Variants in NPSR1 observed in about 807,000 individuals in gnomAD.
The protein encoded by NPSR1 is neuropeptide S receptor.
Under a neutral mutation model 46.9 loss-of-function variants are expected in NPSR1, and 48 were observed. The ratio of observed to expected loss-of-function variants is 1.02; its 90% CI spans 0.81 to 1.30. The LOEUF is 1.30. NPSR1 is among the 50% of genes most tolerant of loss of function. The pLI, the probability that NPSR1 is intolerant of heterozygous loss-of-function variation, is 0.00. For synonymous variants in NPSR1, 176 were observed against 168.1 expected (o/e 1.05, Z -0.36); for missense variants, 450 against 449.5 (o/e 1.00, Z -0.01).
At chr7:34,710,747 G>A in intron 2 of NPSR1, 4 of 404,310 alleles carry the variant, frequency 9.9e-6, no homozygotes, top group Non-Finnish European at 1.9e-5. Flanking sequence ...AGCATCAACT[G>A]CAAGAATAGT....
chr7:34,798,338 C>G (rs1192587996), intron 3 of NPSR1, among the ~76,000 whole-genome samples: 3 of 152,104 alleles, frequency 2.0e-5, no homozygotes, highest in African/African-American at 7.2e-5. Context: ...AGCTTGTGGC[C>G]AGCCTGACCA....
intron 3 of NPSR1, among the ~76,000 whole-genome samples, chr7:34,806,915 A>C (rs1215373106): frequency 6.6e-6 from 1 of 152,024 alleles, no homozygotes; most frequent in Non-Finnish European, 1.5e-5. Flanking sequence ...TTTAAGTCTC[A>C]CTTCTCTGTG....
chr7:34,877,066 G>A (rs542571078), intron 8 of NPSR1, among the ~76,000 whole-genome samples: 1 of 152,292 alleles, frequency 6.6e-6, no homozygotes, highest in African/African-American at 2.4e-5. Flanking sequence ...ATAGGAGTTG[G>A]GAAGTTAGAA....
At chr7:34,765,394 T>C (rs971877797) in intron 2 of NPSR1, among the ~76,000 whole-genome samples, 1 of 152,114 alleles carries the variant, frequency 6.6e-6, no homozygotes, top group African/African-American at 2.4e-5. Context: ...GAAAAATACA[T>C]TAAAAATACT....
intron 2 of NPSR1, among the ~76,000 whole-genome samples, chr7:34,777,209 C>T (rs1302731320): frequency 2.0e-5 from 3 of 152,120 alleles, no homozygotes; most frequent in Non-Finnish European, 4.4e-5. Flanking sequence ...AGCCCTAGAG[C>T]ACTTTAGCTT....
At chr7:34,769,310 C>A (rs759695144) in intron 2 of NPSR1, among the ~76,000 whole-genome samples, 1 of 152,158 alleles carries the variant, frequency 6.6e-6, no homozygotes, top group Non-Finnish European at 1.5e-5. Flanking sequence ...CCTTGAACTT[C>A]TGCATAGTTT....
At chr7:34,807,747 G>A (rs1788773878) in intron 3 of NPSR1, among the ~76,000 whole-genome samples, 1 of 152,114 alleles carries the variant, frequency 6.6e-6, no homozygotes, top group Non-Finnish European at 1.5e-5. Context: ...GCGACAAATA[G>A]TGTTTTGGTT....
intron 5 of NPSR1, among the ~76,000 whole-genome samples, chr7:34,832,378 CA>C (rs1288643225): frequency 6.6e-6 from 1 of 152,040 alleles, no homozygotes; most frequent in African/African-American, 2.4e-5. Context: ...ATAAAATATA[CA>C]AAAATTAGCC....
chr7:34,757,770 T>C (rs1332200041), intron 2 of NPSR1, among the ~76,000 whole-genome samples: 1 of 152,206 alleles, frequency 6.6e-6, no homozygotes, highest in Non-Finnish European at 1.5e-5. Flanking sequence ...TCTGCTAGTC[T>C]GCTCCGCATA....
chr7:34,661,624 C>A (rs895487013), intron 1 of NPSR1, among the ~76,000 whole-genome samples: 4 of 152,192 alleles, frequency 2.6e-5, no homozygotes, highest in African/African-American at 9.7e-5. Context: ...ACCCCTCTAA[C>A]CTACTCTACC....
Position 34,834,555 on chromosome 7 carries a change from A to G in NPSR1, c.757+95A>G, listed in dbSNP as rs1471602535. 13 of 875,456 alleles carry G rather than the reference A, an allele frequency of 1.5e-5. No individual in the cohort carries two copies. The East Asian group carries it at 3.2e-4, about 21-fold the overall frequency. 54.2% of individuals were successfully genotyped at this position (875,456 alleles called of 1,614,324 possible). A position where few individuals can be genotyped will look rare whatever the true frequency, so the allele number is the denominator to read the frequency against. On this transcript the variant is annotated intron_variant, in intron 6 of 8. Transcript: ENST00000360581. ...GTGAGCTAGGGACTCCTTGATACAC[A>G]AGCATACAGGATCATATCAGGACCC...
intron 2 of NPSR1, among the ~76,000 whole-genome samples, chr7:34,705,593 A>T (rs1012686438): frequency 7.1e-6 from 1 of 140,548 alleles, no homozygotes; most frequent in African/African-American, 2.8e-5. Context: ...TTGTGTATGT[A>T]TGTTGATCTC....
At chr7:34,743,774 T>C (rs961052943) in intron 2 of NPSR1, among the ~76,000 whole-genome samples, 5 of 152,204 alleles carry the variant, frequency 3.3e-5, no homozygotes, top group East Asian at 3.9e-4. Flanking sequence ...TTTGGGCAAC[T>C]GTTACTTAGA....
intron 4 of NPSR1, among the ~76,000 whole-genome samples, chr7:34,815,535 C>T (rs1397004472): frequency 6.6e-6 from 1 of 152,118 alleles, no homozygotes; most frequent in African/African-American, 2.4e-5. Context: ...AATAGCAAGG[C>T]AGGCCAACAC....
chr7:34,760,965 A>T (rs978710617), intron 2 of NPSR1: 2 of 152,524 alleles, frequency 1.3e-5, no homozygotes, highest in African/African-American at 4.8e-5. Context: ...ATCATCACGT[A>T]GTAATTTCTA....
chr7:34,836,084 G>A (rs754444793), intron 6 of NPSR1, among the ~76,000 whole-genome samples: 2 of 152,086 alleles, frequency 1.3e-5, no homozygotes, highest in East Asian at 1.9e-4. Flanking sequence ...TTCAACCCAC[G>A]AAGACCCAGT....
chr7:34,781,254 T>A (rs893821545), intron 3 of NPSR1, among the ~76,000 whole-genome samples: 1 of 152,266 alleles, frequency 6.6e-6, no homozygotes, highest in South Asian at 2.1e-4. Context: ...TAATAGTTTC[T>A]AGAATGTAAG....
chr7:34,763,804 G>A (rs564362162), intron 2 of NPSR1, among the ~76,000 whole-genome samples: 37 of 152,256 alleles, frequency 2.4e-4, no homozygotes, highest in Admixed American at 3.9e-4. Context: ...ATCACTCAAC[G>A]CTCTCCATTC....
intron 2 of NPSR1, among the ~76,000 whole-genome samples, chr7:34,689,179 C>T (rs1353227838): frequency 2.0e-5 from 3 of 152,216 alleles, no homozygotes; most frequent in Non-Finnish European, 4.4e-5. Context: ...TTTCACAGAT[C>T]AGCCCATTGC....
Sources: gnomAD v4.1 joint callset for allele counts (sites outside exome capture counted in the v4.1 genomes callset) on GRCh38, gnomAD v4.1.1 for gene constraint, MANE v1.5 for transcripts, NCBI Gene and HGNC (gene_info 2026-07-23, HGNC 2026-07-21) for gene names.